Variants in CSMD3 observed in about 807,000 individuals in gnomAD.
The protein encoded by CSMD3 is CUB and Sushi multiple domains 3.
A neutral mutation model predicts 435.2 loss-of-function variants in CSMD3; 177 were observed. The ratio of observed to expected loss-of-function variants is 0.41; its 90% CI spans 0.36 to 0.46. The LOEUF (loss-of-function observed/expected upper bound fraction) is 0.46, where lower values mean the gene tolerates loss of function less well. CSMD3 is among the 20% of genes least tolerant of loss of function. The probability of loss-of-function intolerance (pLI) is 0.34; values close to 1 mark genes in which losing one functional copy is unlikely to be tolerated. For missense variants in CSMD3, 4,265 were observed against 4,504.6 expected (o/e 0.95, Z 1.52); for synonymous variants, 1,656 against 1,520.5 (o/e 1.09, Z -2.07).
chr8:112,801,354 A>G (rs1037648954), intron 12 of CSMD3, among the ~76,000 whole-genome samples: 8 of 152,048 alleles, frequency 5.3e-5, no homozygotes, highest in Admixed American at 2.0e-4. Flanking sequence ...GTAGTCAACT[A>G]TTAAAACAAA....
chr8:112,513,593 C>T, intron 28 of CSMD3, among the ~76,000 whole-genome samples: 1 of 152,004 alleles, frequency 6.6e-6, no homozygotes, highest in East Asian at 1.9e-4. Context: ...GTGAGAATTA[C>T]CAAAATATAA....
intron 3 of CSMD3, among the ~76,000 whole-genome samples, chr8:113,254,455 C>T (rs2093362772): frequency 6.6e-6 from 1 of 152,098 alleles, no homozygotes; most frequent in African/African-American, 2.4e-5. Context: ...ATGGTACTGG[C>T]CAGGTATAGA....
intron 10 of CSMD3, among the ~76,000 whole-genome samples, chr8:112,870,998 T>A (rs10955638): frequency 2.0e-5 from 3 of 151,994 alleles, no homozygotes; most frequent in Admixed American, 6.5e-5. Flanking sequence ...GTTTTTCTCC[T>A]GCAGCTCATG....
intron 3 of CSMD3, among the ~76,000 whole-genome samples, chr8:113,197,824 C>A (rs193107463): frequency 1.3e-5 from 2 of 151,100 alleles, no homozygotes; most frequent in African/African-American, 4.8e-5. Flanking sequence ...ATATATTCAA[C>A]AATGTCTTTA....
At chr8:112,435,998 C>T (rs1436678472) in intron 32 of CSMD3, among the ~76,000 whole-genome samples, 1 of 151,794 alleles carries the variant, frequency 6.6e-6, no homozygotes, top group East Asian at 1.9e-4. Flanking sequence ...GCCCTAAATA[C>T]CAGAGGATAA....
chr8:112,476,337 C>T (rs748513446), intron 31 of CSMD3, among the ~76,000 whole-genome samples: 14 of 152,244 alleles, frequency 9.2e-5, no homozygotes, highest in South Asian at 2.1e-4. Flanking sequence ...GGAGCCACCA[C>T]GCCCGGCCTA....
chr8:112,985,753 A>C (rs924813459), intron 6 of CSMD3, among the ~76,000 whole-genome samples: 3 of 152,190 alleles, frequency 2.0e-5, no homozygotes, highest in African/African-American at 7.2e-5. Flanking sequence ...CAAGAGATCT[A>C]GGTTGCAAAC....
At position 112,999,415 on chromosome 8, in the gene CSMD3, G is replaced by T. The variant is rs569611284; in HGVS notation, c.1030+19652C>A. On this transcript the variant is annotated intron_variant, in intron 6 of 70. Transcript: ENST00000297405. ...GTGTGACATTTTGAGGACCAGCAAG[G>T]ATGCCACTGTGTGACAAGAGAAGTG... Among the ~76,000 whole-genome samples, 31 of 151,906 alleles carry T rather than the reference G, an allele frequency of 2.0e-4. 1 individual carries two copies. The highest frequency in any genetic ancestry group is 1.4e-3 in the Admixed American group (21 of 15,180).
At chr8:112,744,353 T>C (rs1305928516) in intron 13 of CSMD3, among the ~76,000 whole-genome samples, 1 of 152,134 alleles carries the variant, frequency 6.6e-6, no homozygotes, top group East Asian at 1.9e-4. Context: ...GTTTAATGCA[T>C]AGATATTAGA....
At position 112,607,148 on chromosome 8, in the gene CSMD3, A is replaced by G. The variant is rs1832861975; in HGVS notation, c.3716-19913T>C. Among the ~76,000 whole-genome samples, 4 of 151,728 alleles carry G rather than the reference A, an allele frequency of 2.6e-5. No individual in the cohort carries two copies. In the South Asian group the frequency reaches 8.3e-4, roughly 31 times the overall value. ...TGTAAACTTCAGCTATACTAAAGAA[A>G]AAAGAGAGTCTCAAATAAATAAAAT... On this transcript the variant is annotated intron_variant, in intron 22 of 70. Coordinates refer to ENST00000297405, the MANE Select transcript of CSMD3 (RefSeq NM_198123.2).
chr8:113,234,987 G>A (rs767732941), intron 3 of CSMD3, among the ~76,000 whole-genome samples: 1 of 152,086 alleles, frequency 6.6e-6, no homozygotes, highest in African/African-American at 2.4e-5. Context: ...CGTCTAGGCA[G>A]AGAATGTATA....
At chr8:112,330,536 C>A (rs999412806) in intron 45 of CSMD3, among the ~76,000 whole-genome samples, 1 of 151,934 alleles carries the variant, frequency 6.6e-6, no homozygotes, top group African/African-American at 2.4e-5. Flanking sequence ...GTGACATAAG[C>A]CAGATCTCAA....
intron 13 of CSMD3, among the ~76,000 whole-genome samples, chr8:112,789,679 GT>G (rs1372921396): frequency 6.6e-6 from 1 of 151,802 alleles, no homozygotes; most frequent in Non-Finnish European, 1.5e-5. Context: ...ATTAAACAAA[GT>G]TTTTATTATT....
In CSMD3 at chr8:112,991,215, T is replaced by A. The variant is rs187964873; in HGVS notation, c.1031-15067A>T. Among the ~76,000 whole-genome samples, 1,003 of 151,598 alleles carry A rather than the reference T, an allele frequency of 6.6e-3. 11 individuals carry two copies. The highest frequency in any genetic ancestry group is 0.023 in the African/African-American group (961 of 41,388). On this transcript the variant is annotated intron_variant, in intron 6 of 70. Transcript: ENST00000297405. ...TTGCTGCTGAATATATATATATAGT[T>A]GCTGAATTAAATATATATATATATT...
chr8:112,320,659 G>A (rs983866745), intron 45 of CSMD3, among the ~76,000 whole-genome samples: 1 of 137,708 alleles, frequency 7.3e-6, no homozygotes, highest in Non-Finnish European at 1.5e-5. Context: ...CCCCACGACA[G>A]GCCCCGGTGG....
intron 5 of CSMD3, among the ~76,000 whole-genome samples, chr8:113,072,935 T>A (rs1292852649): frequency 6.6e-6 from 1 of 151,782 alleles, no homozygotes; most frequent in Admixed American, 6.6e-5. Context: ...ACTCCATCCT[T>A]ACTCAACAAT....
chr8:113,175,526 C>T (rs1208406077), intron 3 of CSMD3, among the ~76,000 whole-genome samples: 1 of 151,678 alleles, frequency 6.6e-6, no homozygotes, highest in Non-Finnish European at 1.5e-5. Flanking sequence ...GTTATTTCTC[C>T]AAGACATTAG....
At chr8:112,920,096 G>T (rs1022660796) in intron 10 of CSMD3, among the ~76,000 whole-genome samples, 2 of 151,744 alleles carry the variant, frequency 1.3e-5, no homozygotes, top group African/African-American at 4.8e-5. Flanking sequence ...ATGCCAGTAC[G>T]ACATGATGAG....
rs537832706 is a variant in CSMD3, at chr8:112,325,279, A to G, written c.7166-5298T>C. 2.0e-5 allele frequency among the ~76,000 whole-genome samples: 3 copies of G among 152,248 alleles called. No individual in the cohort carries two copies. In the East Asian group the frequency reaches 5.8e-4, roughly 29 times the overall value. On this transcript the variant is annotated intron_variant, in intron 45 of 70. Transcript: ENST00000297405. ...GAGCTTAACATTTGATAACATAGCT[A>G]AAATTTTATGTTCTGTATAATTTTC...
Sources: allele counts gnomAD v4.1 joint callset (sites outside exome capture counted in the v4.1 genomes callset), GRCh38; gene constraint gnomAD v4.1.1; transcripts MANE v1.5; gene names NCBI Gene and HGNC (gene_info 2026-07-23, HGNC 2026-07-21).